EEF2K: variants seen among roughly 807,000 people sequenced by gnomAD.
EEF2K encodes alternative protein EEF2K.
A neutral mutation model predicts 93.8 loss-of-function variants in EEF2K; 70 were observed. That is an observed-to-expected ratio of 0.75 (90% CI 0.62 to 0.91). The LOEUF (loss-of-function observed/expected upper bound fraction) is 0.91, where lower values mean the gene tolerates loss of function less well. EEF2K is among the 40% of genes least tolerant of loss of function. The pLI is 0.00. For synonymous variants in EEF2K, 376 were observed against 380.8 expected (o/e 0.99, Z 0.15); for missense variants, 935 against 972.9 (o/e 0.96, Z 0.52).
rs916468063 is a variant in EEF2K at position 22,250,762 on chromosome 16, G to C, written c.446+71G>C. On this transcript the variant is annotated intron_variant, in intron 5 of 17. Coordinates refer to ENST00000263026, the MANE Select transcript of EEF2K (RefSeq NM_013302.5). ...CAGGCTCCTAAGAGCTGAGGCATTGGGACATTTTCAGCCAAGGAATGGAGC... is the reference window on the plus strand; with the variant it reads ...CAGGCTCCTAAGAGCTGAGGCATTGCGACATTTTCAGCCAAGGAATGGAGC... 22 of 1,600,224 alleles carry C rather than the reference G, an allele frequency of 1.4e-5. No homozygotes were observed. The South Asian group carries it at 2.4e-4, about 18-fold the overall frequency.
In EEF2K at chr16:22,244,720, A is replaced by G; in HGVS notation, c.337A>G (p.Thr113Ala). 2 of 1,613,788 alleles carry G rather than the reference A, an allele frequency of 1.2e-6. No individual in the cohort carries two copies. The highest frequency in any genetic ancestry group is 2.2e-5 in the South Asian group (2 of 91,078). Residue 113 changes from threonine to alanine, a missense_variant, in exon 3 of 18, where the codon ACT becomes GCT. Thr to Ala is a moderately conservative substitution (Grantham distance 58). Coordinates refer to ENST00000263026, the MANE Select transcript of EEF2K (RefSeq NM_013302.5). The stretch of plus-strand genomic sequence containing the variant: ...GGAAGATATTGCCACCGAACGTGCT[A>G]CTCGACACAGGTCAGCAGCTTGTGT... ...HLEDIATERATRHRYNAVTGE... is the reference protein window; with the variant it reads ...HLEDIATERAARHRYNAVTGE...
At position 22,206,390 on chromosome 16, in the gene EEF2K, G is replaced by A. The variant is rs1266043423; in HGVS notation, c.-366G>A. On this transcript the variant is annotated 5_prime_UTR_variant, in exon 1 of 18. Transcript: ENST00000263026. Reference sequence around the variant, plus strand: ...GTCCCGCTCGCTGTCGCCTGCACGCGAGTCCCCCCTGGCACGCGCTCCCAC... The same window carrying A: ...GTCCCGCTCGCTGTCGCCTGCACGCAAGTCCCCCCTGGCACGCGCTCCCAC... The A allele has an allele frequency of 2.0e-5, 3 of 152,740 alleles. No homozygotes were observed. The highest frequency in any genetic ancestry group is 2.9e-5 in the Non-Finnish European group (2 of 68,444). The allele number at this position is 152,740 out of a possible 1,614,324, so 9.5% of individuals were successfully genotyped here. A position where few individuals can be genotyped will look rare whatever the true frequency, so the allele number is the denominator to read the frequency against.
Position 22,266,885 on chromosome 16 carries a change from GT to G in EEF2K, c.1764+10del. 6.3e-7 allele frequency: 1 copy of G among 1,593,986 alleles called. No individual in the cohort carries two copies. Among genetic ancestry groups the G allele is most frequent in the Non-Finnish European group, 8.6e-7 (1 of 1,166,602 alleles). On this transcript the variant is annotated intron_variant, in intron 15 of 17. Coordinates refer to ENST00000263026, the MANE Select transcript of EEF2K (RefSeq NM_013302.5). ...CCGATGTCTCTCTGAAGGTGAGCAG[GT>G]GGCGGGGACCCAGCTGCAGGTGGGG...
intron 6 of EEF2K, among the ~76,000 whole-genome samples, chr16:22,256,400 A>C (rs1231556819): frequency 6.6e-6 from 1 of 151,700 alleles, no homozygotes; most frequent in Non-Finnish European, 1.5e-5. Context: ...GCCCAGCCTT[A>C]ATTTTTGTAT....
chr16:22,228,517 C>A (rs1296555691), intron 2 of EEF2K, among the ~76,000 whole-genome samples: 3 of 152,126 alleles, frequency 2.0e-5, no homozygotes, highest in South Asian at 2.1e-4. Flanking sequence ...AAGGAAAAGA[C>A]AAAGAGACCT....
chr16:22,246,316 G>C (rs2047290522), intron 3 of EEF2K, among the ~76,000 whole-genome samples: 1 of 151,870 alleles, frequency 6.6e-6, no homozygotes, highest in Non-Finnish European at 1.5e-5. Flanking sequence ...GAGGTCAGGA[G>C]TTCGAGACCA....
intron 2 of EEF2K, among the ~76,000 whole-genome samples, chr16:22,242,409 C>T (rs1352220685): frequency 6.6e-6 from 1 of 152,020 alleles, no homozygotes; most frequent in Admixed American, 6.6e-5. Flanking sequence ...GCAACCTCCA[C>T]CTCCTGGTTC....
intron 2 of EEF2K, among the ~76,000 whole-genome samples, chr16:22,230,148 A>G (rs2047101340): frequency 6.6e-6 from 1 of 152,182 alleles, no homozygotes; most frequent in Admixed American, 6.5e-5. Flanking sequence ...AGAGGGGCTG[A>G]TTTAAATTAC....
chr16:22,279,157 G>A (rs1274906729), intron 16 of EEF2K, among the ~76,000 whole-genome samples: 1 of 151,884 alleles, frequency 6.6e-6, no homozygotes, highest in Non-Finnish European at 1.5e-5. Flanking sequence ...GGGTGTCCTA[G>A]CTAAGCTGCC....
chr16:22,264,152 T>G (rs895721833), intron 12 of EEF2K, among the ~76,000 whole-genome samples: 4 of 151,346 alleles, frequency 2.6e-5, no homozygotes, highest in African/African-American at 9.7e-5. Flanking sequence ...ATTAGCCGGG[T>G]GCAGTGGTGC....
rs2047411896 is a variant in EEF2K, at chr16:22,257,303, G to C, written c.819G>C (p.Val273=). ...GTTCCGGCCATCAGCTGATAGTGGT[G>C]GACATCCAGGGAGTTGGGGATCTCT... ...FERSGHQLIV[V]DIQGVGDLYT... Residue 273 remains valine (V), a synonymous_variant, in exon 8 of 18, where the codon GTG becomes GTC. Coordinates refer to ENST00000263026, the MANE Select transcript of EEF2K (RefSeq NM_013302.5). 6.2e-7 allele frequency: 1 copy of C among 1,613,976 alleles called. No individual in the cohort carries two copies. The highest frequency in any genetic ancestry group is 8.5e-7 in the Non-Finnish European group (1 of 1,180,000).
At chr16:22,252,916 A>C (rs1225801524) in intron 6 of EEF2K, among the ~76,000 whole-genome samples, 1 of 152,098 alleles carries the variant, frequency 6.6e-6, no homozygotes, top group African/African-American at 2.4e-5. Flanking sequence ...GTATGGGGGA[A>C]ACCACCCCCA....
chr16:22,235,829 A>G (rs538083023), intron 2 of EEF2K, among the ~76,000 whole-genome samples: 2 of 143,566 alleles, frequency 1.4e-5, no homozygotes, highest in East Asian at 4.3e-4. Flanking sequence ...ATAGGGTCTC[A>G]TGCTGTTGCC....
At chr16:22,238,297 C>T (rs2047187738) in intron 2 of EEF2K, among the ~76,000 whole-genome samples, 1 of 151,996 alleles carries the variant, frequency 6.6e-6, no homozygotes, top group Admixed American at 6.6e-5. Flanking sequence ...CCACTCCCTG[C>T]CCGGGGGGAA....
intron 15 of EEF2K, among the ~76,000 whole-genome samples, chr16:22,269,290 ATC>A (rs1266480763): frequency 6.6e-6 from 1 of 151,910 alleles, no homozygotes; most frequent in African/African-American, 2.4e-5. Flanking sequence ...GCTCACTGAA[ATC>A]TCTGTCTCCA....
At chr16:22,244,777 C>T (rs1271433814) in intron 3 of EEF2K, 47 bp downstream of exon 3, 1 of 1,593,708 alleles carries the variant, frequency 6.3e-7, no homozygotes, top group Admixed American at 1.7e-5. Context: ...GGCTATACGT[C>T]CAGCTTCTGT....
chr16:22,212,454 A>AATCCCCT (rs1429293579), intron 1 of EEF2K, among the ~76,000 whole-genome samples: 1 of 151,696 alleles, frequency 6.6e-6, no homozygotes, highest in Non-Finnish European at 1.5e-5. Context: ...CTCCTAAAGT[A>AATCCCCT]GCTGGGATTA....
chr16:22,272,445 T>C (rs1359285525), intron 15 of EEF2K, among the ~76,000 whole-genome samples: 1 of 152,200 alleles, frequency 6.6e-6, no homozygotes, highest in Non-Finnish European at 1.5e-5. Context: ...ACATATTGTA[T>C]GACTATATTA....
chr16:22,225,526 A>G (rs1330596713), intron 1 of EEF2K, 128 bp from the exon 2 acceptor site: 1 of 703,064 alleles, frequency 1.4e-6, no homozygotes, highest in Non-Finnish European at 2.2e-6. Context: ...CCTCCCCAAA[A>G]GATAGCTCTA....
Sources: gnomAD v4.1 joint callset for allele counts (sites outside exome capture counted in the v4.1 genomes callset) on GRCh38, gnomAD v4.1.1 for gene constraint, MANE v1.5 for transcripts, NCBI Gene and HGNC (gene_info 2026-07-23, HGNC 2026-07-21) for gene names.